SLC35F2: variants seen among roughly 807,000 people sequenced by gnomAD.
SLC35F2 encodes solute carrier family 35 member F2, also known as queuine/queuosine transporter SLC35F2.
In SLC35F2, 25 loss-of-function variants were observed where a neutral mutation model predicts 38.1. That is an observed-to-expected ratio of 0.66 (90% confidence interval 0.48 to 0.92). The LOEUF (loss-of-function observed/expected upper bound fraction) is 0.92, where lower values mean the gene tolerates loss of function less well. SLC35F2 is among the 40% of genes least tolerant of loss of function. The pLI is 0.00. For missense variants in SLC35F2, 409 were observed against 452.9 expected (o/e 0.90, Z 0.88); for synonymous variants, 173 against 181.7 (o/e 0.95, Z 0.38).
At chr11:107,805,591 C>G in intron 4 of SLC35F2, 76 bp from the exon 5 acceptor site, 3 of 1,518,558 alleles carry the variant, frequency 2.0e-6, no homozygotes, top group Non-Finnish European at 2.6e-6. Context: ...AGGCGGTCAT[C>G]TGACTCGTGT....
At chr11:107,826,371 A>G (rs2134815292) in intron 1 of SLC35F2, among the ~76,000 whole-genome samples, 1 of 152,086 alleles carries the variant, frequency 6.6e-6, no homozygotes, top group South Asian at 2.1e-4. Flanking sequence ...CCGCTTCCCA[A>G]GTAGCTGGGA....
chr11:107,848,302 G>A lies in SLC35F2; in HGVS notation c.110+10356C>T, dbSNP rs145522345. 9.2e-5 allele frequency among the ~76,000 whole-genome samples: 14 copies of A among 152,306 alleles called. No individual in the cohort carries two copies. In the East Asian group the frequency reaches 2.5e-3, roughly 27 times the overall value. On this transcript the variant is annotated intron_variant, in intron 1 of 7. Coordinates refer to ENST00000525815, the MANE Select transcript of SLC35F2 (RefSeq NM_017515.5). ...AAGGAGAGAAGGGTGAGGAGAGGAG[G>A]AGGGGCAGCAGTTTGAGCTCTAACC...
At position 107,804,592 on chromosome 11, in the gene SLC35F2, A is replaced by G. The variant is rs986291803; in HGVS notation, c.784+126T>C. 22 of 660,986 alleles carry G rather than the reference A, an allele frequency of 3.3e-5. No homozygotes were observed. In the Admixed American group the frequency reaches 4.3e-4, roughly 13 times the overall value. The allele number at this position is 660,986 out of a possible 1,614,324, so 40.9% of individuals were successfully genotyped here. A position where few individuals can be genotyped will look rare whatever the true frequency, so the allele number is the denominator to read the frequency against. ...AACTCAATGTAAACCACTATAGTTG[A>G]TATGTATTAAATCACTCCTGGATTT... On this transcript the variant is annotated intron_variant, in intron 6 of 7. Transcript: ENST00000525815.
intron 1 of SLC35F2, among the ~76,000 whole-genome samples, chr11:107,855,846 C>T (rs1484822216): frequency 1.8e-4 from 27 of 150,054 alleles, no homozygotes; most frequent in Admixed American, 1.8e-3. Context: ...GGCACGGTGG[C>T]TTACGCTTAT....
intron 1 of SLC35F2, among the ~76,000 whole-genome samples, chr11:107,816,568 T>C (rs1475767940): frequency 1.3e-5 from 2 of 149,412 alleles, no homozygotes; most frequent in East Asian, 2.0e-4. Context: ...ATTTCAAGGG[T>C]GAGCCATCGT....
Position 107,810,589 on chromosome 11 carries a change from C to T in SLC35F2, c.414+1078G>A, listed in dbSNP as rs73546810. ...AGGTAACTGCTGGGTTTAATTTTTA[C>T]GAAACTTTAGGTTCTTTTTGTGCCT... On this transcript the variant is annotated intron_variant, in intron 3 of 7. Coordinates refer to ENST00000525815, the MANE Select transcript of SLC35F2 (RefSeq NM_017515.5). The T allele has an allele frequency of 0.022, 21,419 of 985,100 alleles. 2,322 individuals are homozygous for T. In the East Asian group the frequency reaches 0.27, roughly 12 times the overall value. The allele number at this position is 985,100 out of a possible 1,614,324, so 61.0% of individuals were successfully genotyped here.
At chr11:107,799,059 G>C (rs1396344712) in intron 7 of SLC35F2, among the ~76,000 whole-genome samples, 1 of 152,200 alleles carries the variant, frequency 6.6e-6, no homozygotes, top group Non-Finnish European at 1.5e-5. Context: ...CTGGGTGACA[G>C]AGCGAGACTC....
At chr11:107,829,533 T>C (rs1158226628) in intron 1 of SLC35F2, among the ~76,000 whole-genome samples, 1 of 152,088 alleles carries the variant, frequency 6.6e-6, no homozygotes, top group Non-Finnish European at 1.5e-5. Flanking sequence ...ATGCAGCTGC[T>C]CAATCTTTGG....
chr11:107,839,405 G>A (rs1023236969), intron 1 of SLC35F2, among the ~76,000 whole-genome samples: 2 of 152,104 alleles, frequency 1.3e-5, no homozygotes, highest in Admixed American at 6.6e-5. Context: ...AGGTTACAGT[G>A]AGCAGAGATC....
At chr11:107,853,823 T>G (rs957554627) in intron 1 of SLC35F2, among the ~76,000 whole-genome samples, 3 of 151,886 alleles carry the variant, frequency 2.0e-5, no homozygotes, top group African/African-American at 7.2e-5. Flanking sequence ...AAAGCTTATT[T>G]ATCTATTTGA....
intron 1 of SLC35F2, among the ~76,000 whole-genome samples, chr11:107,847,515 G>A (rs1191091300): frequency 6.6e-6 from 1 of 152,120 alleles, no homozygotes; most frequent in South Asian, 2.1e-4. Flanking sequence ...CATATCATGG[G>A]AGGAATTGCT....
In SLC35F2 at chr11:107,802,989, C is replaced by CTATT; in HGVS notation, c.939+8_939+11dup. 2 of 1,595,560 alleles carry CTATT rather than the reference C, an allele frequency of 1.3e-6. No homozygotes were observed. The highest frequency in any genetic ancestry group is 1.7e-6 in the Non-Finnish European group (2 of 1,173,992). On this transcript the variant is annotated intron_variant, in intron 7 of 7. Coordinates refer to ENST00000525815, the MANE Select transcript of SLC35F2 (RefSeq NM_017515.5). Reference sequence around the variant, plus strand: ...GCAAGTATTCTTATTTGAACGTGATCTATTTGTTTACCTTATAGCCAAACA... The same window carrying CTATT: ...GCAAGTATTCTTATTTGAACGTGATCTATTTATTTGTTTACCTTATAGCCAAACA...
At position 107,842,095 on chromosome 11, in the gene SLC35F2, A is replaced by G. The variant is rs141807847; in HGVS notation, c.110+16563T>C. 7.9e-3 allele frequency among the ~76,000 whole-genome samples: 1,179 copies of G among 149,830 alleles called. 12 individuals are homozygous for G. The highest frequency in any genetic ancestry group is 0.027 in the African/African-American group (1,127 of 41,030). The stretch of plus-strand genomic sequence containing the variant: ...AAAAAGAAAAATAAAGAAAAATAAA[A>G]AATAAAAATAAAAATACAAAAATTA... On this transcript the variant is annotated intron_variant, in intron 1 of 7. Transcript: ENST00000525815.
At chr11:107,811,866 A>C in intron 2 of SLC35F2, 72 bp from the exon 3 acceptor site, 1 of 1,356,368 alleles carries the variant, frequency 7.4e-7, no homozygotes, top group East Asian at 2.4e-5. Flanking sequence ...TGAAGATAAA[A>C]GAGTAGAAGC....
At chr11:107,851,182 G>C (rs968051904) in intron 1 of SLC35F2, among the ~76,000 whole-genome samples, 4 of 151,896 alleles carry the variant, frequency 2.6e-5, no homozygotes, top group East Asian at 3.9e-4. Context: ...AGAATCTCTT[G>C]AACCCGGGAG....
At chr11:107,793,292 T>C (rs1859163272) in intron 7 of SLC35F2, among the ~76,000 whole-genome samples, 1 of 152,224 alleles carries the variant, frequency 6.6e-6, no homozygotes, top group Admixed American at 6.5e-5. Flanking sequence ...TGGTGAATGA[T>C]GGGACTCTGC....
Position 107,845,359 on chromosome 11 carries a change from T to C in SLC35F2, c.110+13299A>G, listed in dbSNP as rs576343210. On this transcript the variant is annotated intron_variant, in intron 1 of 7. Coordinates refer to ENST00000525815, the MANE Select transcript of SLC35F2 (RefSeq NM_017515.5). ...TTGGGAGGCCAAGGCGGGCAGATCA[T>C]CTGAGCCCAGGAGTTCAAGACCAGC... Among the ~76,000 whole-genome samples, 74 of 150,226 alleles carry C rather than the reference T, an allele frequency of 4.9e-4. 3 individuals carry two copies. In the South Asian group the frequency reaches 0.015, roughly 31 times the overall value.
At chr11:107,836,801 T>C (rs1179623015) in intron 1 of SLC35F2, among the ~76,000 whole-genome samples, 10 of 152,244 alleles carry the variant, frequency 6.6e-5, no homozygotes, top group Non-Finnish European at 7.3e-5. Context: ...AACCACTAAA[T>C]TGGTGGTAAT....
At chr11:107,842,731 C>T (rs919562047) in intron 1 of SLC35F2, among the ~76,000 whole-genome samples, 11 of 152,258 alleles carry the variant, frequency 7.2e-5, no homozygotes, top group East Asian at 3.9e-4. Flanking sequence ...AACAGTTTGG[C>T]ATTATTTTAT....
Sources: allele counts gnomAD v4.1 joint callset (sites outside exome capture counted in the v4.1 genomes callset), GRCh38; gene constraint gnomAD v4.1.1; transcripts MANE v1.5; gene names NCBI Gene and HGNC (gene_info 2026-07-23, HGNC 2026-07-21).